Variants in HMCN1 observed in about 807,000 individuals in gnomAD.
HMCN1 encodes hemicentin-1.
In HMCN1, 321 loss-of-function variants were observed where a neutral mutation model predicts 625.9. That is an observed-to-expected ratio of 0.51 (90% CI 0.47 to 0.56). HMCN1 has a LOEUF of 0.56. Among genes scored for constraint, HMCN1 ranks in the 20% least tolerant of loss-of-function variants. The pLI is 0.00. For missense variants in HMCN1, 6,588 were observed against 6,887.3 expected (o/e 0.96, Z 1.54); for synonymous variants, 2,425 against 2,417.6 (o/e 1.00, Z -0.09).
chr1:186,181,040 C>T (rs998276287), intron 104 of HMCN1, among the ~76,000 whole-genome samples: 1 of 152,120 alleles, frequency 6.6e-6, no homozygotes, highest in African/African-American at 2.4e-5. Context: ...GAAAAATGAC[C>T]ATTGCATTGC....
At chr1:185,965,968 TA>T (rs951855557) in intron 14 of HMCN1, 53 bp downstream of exon 14, 32 of 1,110,286 alleles carry the variant, frequency 2.9e-5, no homozygotes, top group East Asian at 4.7e-5. Flanking sequence ...GTTTTCTTTT[TA>T]AAAAAAATGA....
intron 18 of HMCN1, 115 bp from the exon 19 acceptor site, chr1:185,984,054 T>C (rs1651840196): frequency 1.3e-6 from 1 of 745,138 alleles, no homozygotes; most frequent in Admixed American, 2.5e-5. Flanking sequence ...CATTAGAATA[T>C]TTTGTTTATA....
rs549422687 is a variant in HMCN1, at chr1:185,788,004, C to T, written c.268+52957C>T. Among the ~76,000 whole-genome samples, 8 of 152,260 alleles carry T rather than the reference C, an allele frequency of 5.3e-5. No individual in the cohort carries two copies. In the South Asian group the frequency reaches 1.7e-3, roughly 32 times the overall value. On this transcript the variant is annotated intron_variant, in intron 1 of 106. Coordinates refer to ENST00000271588, the MANE Select transcript of HMCN1 (RefSeq NM_031935.3). ...ACCCATCCATCCCCAAATACTGATACCCAGGCAGTAGCAGGTCTGTCTAAA... is the reference window on the plus strand; with the variant it reads ...ACCCATCCATCCCCAAATACTGATATCCAGGCAGTAGCAGGTCTGTCTAAA...
chr1:185,977,642 G>A (rs780389075), intron 15 of HMCN1, 145 bp from the exon 16 acceptor site: 1 of 654,970 alleles, frequency 1.5e-6, no homozygotes, highest in Non-Finnish European at 2.7e-6. Context: ...TTTTACCTAA[G>A]AGAGGAATAT....
rs746960364 is a variant in HMCN1, at chr1:186,095,247, A to G, written c.10299A>G (p.Pro3433=). 13 of 1,613,592 alleles carry G rather than the reference A, an allele frequency of 8.1e-6. No individual in the cohort carries two copies. The African/African-American group carries it at 1.6e-4, about 20-fold the overall frequency. ...CCCATGTTGTTTTCTATGTAGCACC[A>G]CCAAATATGGACAATTCAATGGGGA... ...NKHYNLQVFA[P]PNMDNSMGTE... Residue 3433 remains proline (P), a synonymous_variant, in exon 68 of 107, where the codon CCA becomes CCG. Transcript: ENST00000271588.
Position 186,123,034 on chromosome 1 carries a change from C to G in HMCN1, c.12313C>G (p.Leu4105Val). 6.2e-7 allele frequency: 1 copy of G among 1,614,074 alleles called. No homozygotes were observed. Among genetic ancestry groups the G allele is most frequent in the Non-Finnish European group, 8.5e-7 (1 of 1,179,994 alleles). The change falls in exon 81 of 107, where the codon CTC becomes GTC. Residue 4105 changes from leucine to valine, a missense_variant. Physicochemically the swap from Leu to Val is conservative, Grantham distance 32. Coordinates refer to ENST00000271588, the MANE Select transcript of HMCN1 (RefSeq NM_031935.3). ...CACGTTATCCTGTGAAGCAGATGGCCTCCCTCCGCCTGACATTACATGGCA... is the reference window on the plus strand; with the variant it reads ...CACGTTATCCTGTGAAGCAGATGGCGTCCCTCCGCCTGACATTACATGGCA... ...PITLSCEADG[L>V]PPPDITWHKD...
chr1:186,058,989 T>C (rs1032866913), intron 46 of HMCN1, among the ~76,000 whole-genome samples: 2 of 152,030 alleles, frequency 1.3e-5, no homozygotes, highest in Non-Finnish European at 2.9e-5. Context: ...TAACTTCAGT[T>C]TGATAACTTG....
chr1:186,045,631 AATGTAAACAGTGTGCTGGCC>A (rs1177723018), intron 40 of HMCN1, 37 bp from the exon 41 acceptor site: 19 of 1,284,680 alleles, frequency 1.5e-5, no homozygotes, highest in Non-Finnish European at 2.2e-5. Flanking sequence ...ATAATTGATG[AATGTAAACAGTGTGCTGGCC>A]TGTTTTATCC....
intron 100 of HMCN1, among the ~76,000 whole-genome samples, chr1:186,169,977 G>GAA (rs1178279731): frequency 7.7e-6 from 1 of 129,234 alleles, no homozygotes. Flanking sequence ...AAATTTACAA[G>GAA]AAAAAAAAAA....
At position 186,151,175 on chromosome 1, in the gene HMCN1, G is replaced by T. The variant is rs1237810622; in HGVS notation, c.14609-25G>T. ...GTTGATGAAATTGCATCCTTATCCA[G>T]GAATGTTTTTTTTTCCCCCAATAGG... On this transcript the variant is annotated intron_variant, in intron 93 of 106. Transcript: ENST00000271588. 9 of 1,612,690 alleles carry T rather than the reference G, an allele frequency of 5.6e-6. No homozygotes were observed. In the South Asian group the frequency reaches 9.9e-5, roughly 18 times the overall value.
Position 186,088,776 on chromosome 1 carries a change from T to A in HMCN1, c.9727+21T>A, listed in dbSNP as rs1010139088. The A allele has an allele frequency of 1.9e-6, 3 of 1,595,646 alleles. No homozygotes were observed. In the African/African-American group the frequency reaches 4.0e-5, roughly 21 times the overall value. On this transcript the variant is annotated intron_variant, in intron 63 of 106. Coordinates refer to ENST00000271588, the MANE Select transcript of HMCN1 (RefSeq NM_031935.3). ...TCAAGGTATGTATTGTCCACTATGATCTATCTTCAATTTCTTTGTTATTCC... is the reference window on the plus strand; with the variant it reads ...TCAAGGTATGTATTGTCCACTATGAACTATCTTCAATTTCTTTGTTATTCC...
rs3030426 is a variant in HMCN1 at position 185,930,907 on chromosome 1, T to TACACACACAC, written c.1552+2268_1552+2277dup. On this transcript the variant is annotated intron_variant, in intron 10 of 106. Coordinates refer to ENST00000271588, the MANE Select transcript of HMCN1 (RefSeq NM_031935.3). ...TACTAACACAATGACTTTCACCCAA[T>TACACACACAC]ACACACACACACACACACACACACA... 6.5e-3 allele frequency among the ~76,000 whole-genome samples: 900 copies of TACACACACAC among 139,012 alleles called. 12 individuals are homozygous for TACACACACAC. Among genetic ancestry groups the TACACACACAC allele is most frequent in the African/African-American group, 0.022 (837 of 38,542 alleles). The allele number at this position is 139,012 out of a possible 152,430, so 91.2% of individuals were successfully genotyped here.
chr1:185,756,776 C>A (rs868322332), intron 1 of HMCN1, among the ~76,000 whole-genome samples: 1 of 152,104 alleles, frequency 6.6e-6, no homozygotes, highest in African/African-American at 2.4e-5. Context: ...CTCCTTCTAA[C>A]TTTAAAATGC....
chr1:185,876,968 A>G (rs1663980227), intron 4 of HMCN1, among the ~76,000 whole-genome samples: 1 of 152,046 alleles, frequency 6.6e-6, no homozygotes, highest in Non-Finnish European at 1.5e-5. Flanking sequence ...GTTCTTAGTC[A>G]TAAATTCTTT....
chr1:186,182,398 A>G, intron 105 of HMCN1, 111 bp downstream of exon 105: 1 of 1,257,450 alleles, frequency 8.0e-7, no homozygotes, highest in East Asian at 2.4e-5. Context: ...CTTCTTACCC[A>G]TTCCCGTGGG....
In HMCN1 at chr1:185,906,806, T is replaced by C. The variant is rs576660564; in HGVS notation, c.622-2531T>C. Among the ~76,000 whole-genome samples the C allele has an allele frequency of 1.5e-3, 235 of 151,966 alleles. 1 individual carries two copies. Among genetic ancestry groups the C allele is most frequent in the African/African-American group, 5.4e-3 (226 of 41,522 alleles). ...ATCATTTATGACCAGATTATGTGTG[T>C]TGTCCTTAAAACAGATATTCTGTCC... is the stretch of plus-strand genomic sequence containing the variant. On this transcript the variant is annotated intron_variant, in intron 4 of 106. Coordinates refer to ENST00000271588, the MANE Select transcript of HMCN1 (RefSeq NM_031935.3).
intron 4 of HMCN1, among the ~76,000 whole-genome samples, chr1:185,894,281 A>G (rs1571519203): frequency 6.6e-6 from 1 of 151,160 alleles, no homozygotes; most frequent in Non-Finnish European, 1.5e-5. Flanking sequence ...TTTGTTCAAC[A>G]TTAAGTTTGT....
chr1:185,966,328 A>G lies in HMCN1; in HGVS notation c.2212+413A>G, dbSNP rs147335954. 1.2e-4 allele frequency among the ~76,000 whole-genome samples: 18 copies of G among 152,330 alleles called. No homozygotes were observed. The East Asian group carries it at 3.3e-3, about 28-fold the overall frequency. On this transcript the variant is annotated intron_variant, in intron 14 of 106. Transcript: ENST00000271588. ...GATACTTTCTATAAAGTGTTCAAAT[A>G]AAGATACACATTGAAGCTTACAGAT...
At chr1:185,955,563 GATTA>G (rs1265563150) in intron 11 of HMCN1, among the ~76,000 whole-genome samples, 1 of 152,126 alleles carries the variant, frequency 6.6e-6, no homozygotes, top group East Asian at 1.9e-4. Flanking sequence ...CAAGTTGTCA[GATTA>G]ATTCTTTCAT....
Sources: gnomAD v4.1 joint callset for allele counts (sites outside exome capture counted in the v4.1 genomes callset) on GRCh38, gnomAD v4.1.1 for gene constraint, MANE v1.5 for transcripts, NCBI Gene and HGNC (gene_info 2026-07-23, HGNC 2026-07-21) for gene names.